PDZRN4: variants seen among roughly 807,000 people sequenced by gnomAD.
PDZRN4 encodes PDZ domain-containing RING finger protein 4.
A neutral mutation model predicts 99.0 loss-of-function variants in PDZRN4; 70 were observed. The ratio of observed to expected loss-of-function variants is 0.71; its 90% confidence interval spans 0.58 to 0.86. The LOEUF is 0.86. PDZRN4 is among the 40% of genes least tolerant of loss of function. PDZRN4 has a pLI of 0.00. For missense variants in PDZRN4, 1,474 were observed against 1,331.2 expected, an observed-to-expected ratio of 1.11 and a Z score of -1.67; for synonymous variants, 551 against 501.6, an observed-to-expected ratio of 1.10 and a Z score of -1.32.
intron 5 of PDZRN4, among the ~76,000 whole-genome samples, chr12:41,516,367 G>C (rs1592093639): frequency 6.6e-6 from 1 of 152,048 alleles, no homozygotes; most frequent in African/African-American, 2.4e-5. Context: ...TGTGATGAAT[G>C]AATAAACATT....
chr12:41,342,639 G>C (rs1951826429), intron 3 of PDZRN4, among the ~76,000 whole-genome samples: 1 of 151,730 alleles, frequency 6.6e-6, no homozygotes. Context: ...GGAAAATGCA[G>C]ATAAAAACCA....
chr12:41,530,372 T>C (rs535844204), intron 5 of PDZRN4, among the ~76,000 whole-genome samples: 1 of 152,360 alleles, frequency 6.6e-6, no homozygotes, highest in South Asian at 2.1e-4. Flanking sequence ...AAATATTGAA[T>C]ACAGTATGGT....
At chr12:41,303,088 T>C (rs990874507) in intron 3 of PDZRN4, among the ~76,000 whole-genome samples, 38 of 152,110 alleles carry the variant, frequency 2.5e-4, no homozygotes, top group African/African-American at 8.9e-4. Context: ...GTGGCACACA[T>C]GATCTGAAGA....
chr12:41,255,949 C>G (rs1951202252), intron 3 of PDZRN4, among the ~76,000 whole-genome samples: 1 of 152,024 alleles, frequency 6.6e-6, no homozygotes, highest in Non-Finnish European at 1.5e-5. Context: ...CTCCCATGAC[C>G]CAAACACCTC....
intron 3 of PDZRN4, among the ~76,000 whole-genome samples, chr12:41,354,271 C>T (rs2121045613): frequency 6.6e-6 from 1 of 152,088 alleles, no homozygotes; most frequent in East Asian, 1.9e-4. Context: ...GAGTATTGGT[C>T]CTCTCCATAA....
At chr12:41,439,274 G>A (rs531950598) in intron 3 of PDZRN4, among the ~76,000 whole-genome samples, 20 of 152,124 alleles carry the variant, frequency 1.3e-4, no homozygotes, top group African/African-American at 4.6e-4. Context: ...AACTTGCAAG[G>A]ATAGGCTAAA....
intron 3 of PDZRN4, among the ~76,000 whole-genome samples, chr12:41,359,734 C>A (rs1251228497): frequency 6.6e-6 from 1 of 151,954 alleles, no homozygotes; most frequent in Non-Finnish European, 1.5e-5. Flanking sequence ...CACTGTGGAC[C>A]TGTGAATCAA....
intron 3 of PDZRN4, among the ~76,000 whole-genome samples, chr12:41,497,713 G>A (rs1385717340): frequency 2.0e-5 from 3 of 152,142 alleles, no homozygotes; most frequent in Non-Finnish European, 2.9e-5. Flanking sequence ...ATATTCAGTA[G>A]ATGAATTATT....
intron 3 of PDZRN4, among the ~76,000 whole-genome samples, chr12:41,447,326 T>A (rs1402039247): frequency 6.6e-6 from 1 of 152,068 alleles, no homozygotes. Context: ...TAAGACAACA[T>A]GGAAAATAAT....
chr12:41,502,203 C>G (rs781439912), intron 3 of PDZRN4, among the ~76,000 whole-genome samples: 5 of 152,044 alleles, frequency 3.3e-5, no homozygotes, highest in African/African-American at 7.2e-5. Flanking sequence ...AGCCTCTTAT[C>G]GAATATCAAT....
At chr12:41,216,397 AG>A (rs1305640420) in intron 3 of PDZRN4, among the ~76,000 whole-genome samples, 1 of 151,980 alleles carries the variant, frequency 6.6e-6, no homozygotes, top group Non-Finnish European at 1.5e-5. Context: ...TAGGGAATCA[AG>A]GATTCTATAT....
intron 3 of PDZRN4, among the ~76,000 whole-genome samples, chr12:41,408,562 G>T (rs1253979461): frequency 6.6e-6 from 1 of 152,142 alleles, no homozygotes; most frequent in East Asian, 1.9e-4. Context: ...GAGCTATGCT[G>T]AATATGAGCA....
intron 3 of PDZRN4, among the ~76,000 whole-genome samples, chr12:41,399,074 A>G (rs865829055): frequency 4.6e-5 from 7 of 152,258 alleles, no homozygotes; most frequent in Admixed American, 1.3e-4. Context: ...TAGCTAAAAA[A>G]CAGAAAACTA....
At chr12:41,460,612 T>A (rs1390515712) in intron 3 of PDZRN4, among the ~76,000 whole-genome samples, 1 of 152,204 alleles carries the variant, frequency 6.6e-6, no homozygotes, top group Non-Finnish European at 1.5e-5. Context: ...AATATTCAAA[T>A]GTGTCTTAGA....
chr12:41,213,854 C>T (rs1950902947), intron 3 of PDZRN4, among the ~76,000 whole-genome samples: 1 of 151,928 alleles, frequency 6.6e-6, no homozygotes, highest in Admixed American at 6.6e-5. Flanking sequence ...GAATTTCAGC[C>T]CTGCAACCAG....
chr12:41,312,366 G>C (rs567062362), intron 3 of PDZRN4, among the ~76,000 whole-genome samples: 18 of 151,904 alleles, frequency 1.2e-4, no homozygotes, highest in Non-Finnish European at 2.2e-4. Flanking sequence ...CGTTGGGTTT[G>C]TTCTTTTAAT....
At chr12:41,570,614 T>G (rs916138469) in intron 9 of PDZRN4, among the ~76,000 whole-genome samples, 1 of 152,154 alleles carries the variant, frequency 6.6e-6, no homozygotes, top group Non-Finnish European at 1.5e-5. Flanking sequence ...CTTCTTGTAT[T>G]TTTCAGCTCA....
chr12:41,355,432 C>A (rs1448394090), intron 3 of PDZRN4, among the ~76,000 whole-genome samples: 1 of 151,988 alleles, frequency 6.6e-6, no homozygotes, highest in African/African-American at 2.4e-5. Context: ...CTGACAACAG[C>A]AAATTAGGCT....
chr12:41,561,722 C>A (rs189370860), intron 7 of PDZRN4, among the ~76,000 whole-genome samples: 9 of 151,744 alleles, frequency 5.9e-5, no homozygotes, highest in Admixed American at 5.9e-4. Context: ...CAATTCAATT[C>A]TCTTAGGATC....
Sources: allele counts gnomAD v4.1 joint callset (sites outside exome capture counted in the v4.1 genomes callset), GRCh38; gene constraint gnomAD v4.1.1; transcripts MANE v1.5; gene names NCBI Gene and HGNC (gene_info 2026-07-23, HGNC 2026-07-21).